The following CDC16 variants were observed in gnomAD, a reference collection of about 807,000 sequenced individuals.
The protein encoded by CDC16 is cell division cycle 16.
A neutral mutation model predicts 87.0 loss-of-function variants in CDC16; 34 were observed. The observed-to-expected ratio is 0.39, with a 90% CI of 0.30 to 0.52. The LOEUF (loss-of-function observed/expected upper bound fraction) is 0.52, where lower values mean the gene tolerates loss of function less well. Among genes scored for constraint, CDC16 ranks in the 20% least tolerant of loss-of-function variants. CDC16 has a pLI of 0.74. For missense variants in CDC16, 653 were observed against 751.9 expected, an observed-to-expected ratio of 0.87 and a Z score of 1.54; for synonymous variants, 263 against 260.6, an observed-to-expected ratio of 1.01 and a Z score of -0.09.
rs1173341272 is a variant in CDC16, at chr13:114,243,361, A to G, written c.633+13A>G. On this transcript the variant is annotated intron_variant, in intron 7 of 17. Coordinates refer to ENST00000356221, the MANE Select transcript of CDC16 (RefSeq NM_001078645.3). ...CAAATTGAAAAAAGTAAGTAAAACC[A>G]AAGAGTTAGCACTTGCTTTATGTAA... The G allele has an allele frequency of 7.8e-7, 1 of 1,287,044 alleles. No individual in the cohort carries two copies. Among genetic ancestry groups the G allele is most frequent in the Admixed American group, 1.7e-5 (1 of 59,090 alleles). The allele number at this position is 1,287,044 out of a possible 1,614,324, so 79.7% of individuals were successfully genotyped here. A position where few individuals can be genotyped will look rare whatever the true frequency, so the allele number is the denominator to read the frequency against.
At position 114,272,242 on chromosome 13, in the gene CDC16, A is replaced by G. The variant is rs1440206950; in HGVS notation, c.1662A>G (p.Thr554=). The G allele has an allele frequency of 6.2e-7, 1 of 1,609,490 alleles. No individual in the cohort carries two copies. Among genetic ancestry groups the G allele is most frequent in the Non-Finnish European group, 8.5e-7 (1 of 1,176,064 alleles). ...ACTTTGATGTGCATACAATGAAGAC[A>G]CTAAAAAACATTATTTCACCTCCGT... is the stretch of plus-strand genomic sequence containing the variant. ...CYDFDVHTMK[T]LKNIISPPWD... is the part of the protein sequence containing the mutation. The change falls in exon 18 of 18, where the codon ACA becomes ACG. Residue 554 remains threonine (T), a synonymous_variant. Transcript: ENST00000356221.
chr13:114,265,818 ATT>A (rs35581239), intron 17 of CDC16, among the ~76,000 whole-genome samples: 18 of 147,476 alleles, frequency 1.2e-4, no homozygotes, highest in East Asian at 7.9e-4. Flanking sequence ...TACTAAAGTA[ATT>A]TTTTTTTTTT....
intron 11 of CDC16, 64 bp downstream of exon 11, chr13:114,247,068 C>G (rs2081911529): frequency 2.0e-6 from 2 of 1,008,612 alleles, no homozygotes; most frequent in African/African-American, 3.2e-5. Context: ...CATAAGCTTT[C>G]AAGTAGTAAT....
chr13:114,244,064 T>C (rs1387881372), intron 8 of CDC16, 75 bp downstream of exon 8: 17 of 1,007,448 alleles, frequency 1.7e-5, no homozygotes, highest in Non-Finnish European at 2.6e-5. Flanking sequence ...ACGGACGTGC[T>C]CTCTGAATAA....
chr13:114,241,497 A>G (rs947088417), intron 5 of CDC16, among the ~76,000 whole-genome samples: 12 of 152,210 alleles, frequency 7.9e-5, no homozygotes, highest in Non-Finnish European at 1.8e-4. Flanking sequence ...TTTTATACAC[A>G]TGCACACACA....
At position 114,261,876 on chromosome 13, in the gene CDC16, C is replaced by A; in HGVS notation, c.1315-11C>A. ...TATATAACTCGTGGGCTTGATGTTGCTATGTTTTAGGTAACAGTTGACAAA... is the reference window on the plus strand; with the variant it reads ...TATATAACTCGTGGGCTTGATGTTGATATGTTTTAGGTAACAGTTGACAAA... On this transcript the variant is annotated splice_polypyrimidine_tract_variant and intron_variant, in intron 14 of 17. Transcript: ENST00000356221. The A allele has an allele frequency of 6.3e-7, 1 of 1,587,688 alleles. No individual in the cohort carries two copies. Among genetic ancestry groups the A allele is most frequent in the Non-Finnish European group, 8.6e-7 (1 of 1,165,650 alleles).
At position 114,242,221 on chromosome 13, in the gene CDC16, T is replaced by C. The variant is rs2081588646; in HGVS notation, c.482T>C (p.Val161Ala). ...TACAAAGAAGCTTTGAAGCTTGATG[T>C]CTACTGTTTTGAAGCGTTCGATCTT... is the stretch of plus-strand genomic sequence containing the variant. ...YSYKEALKLD[V>A]YCFEAFDLLT... The change falls in exon 6 of 18, where the codon GTC becomes GCC. Residue 161 changes from valine to alanine, a missense_variant. Physicochemically the swap from Val to Ala is moderately conservative, Grantham distance 64. Coordinates refer to ENST00000356221, the MANE Select transcript of CDC16 (RefSeq NM_001078645.3). The C allele has an allele frequency of 6.2e-7, 1 of 1,614,216 alleles. No individual in the cohort carries two copies. Among genetic ancestry groups the C allele is most frequent in the Non-Finnish European group, 8.5e-7 (1 of 1,180,028 alleles).
chr13:114,263,959 A>G (rs1466916777), intron 16 of CDC16, among the ~76,000 whole-genome samples: 3 of 152,304 alleles, frequency 2.0e-5, no homozygotes, highest in Non-Finnish European at 4.4e-5. Flanking sequence ...AAGGGAAGCA[A>G]TGTTTGAATT....
intron 12 of CDC16, among the ~76,000 whole-genome samples, chr13:114,255,014 A>G (rs547817599): frequency 1.1e-4 from 17 of 152,190 alleles, no homozygotes; most frequent in African/African-American, 2.7e-4. Flanking sequence ...AACTCTTTCA[A>G]CCAATCAGAA....
intron 17 of CDC16, among the ~76,000 whole-genome samples, chr13:114,268,880 A>T (rs746624563): frequency 6.6e-6 from 1 of 152,220 alleles, no homozygotes; most frequent in South Asian, 2.1e-4. Context: ...AATGGCTGAA[A>T]GTACAGGATG....
intron 4 of CDC16, 101 bp downstream of exon 4, chr13:114,239,129 T>G: frequency 6.6e-7 from 1 of 1,505,178 alleles, no homozygotes; most frequent in Non-Finnish European, 9.1e-7. Context: ...CTTAGCAGGT[T>G]AGTAAAGTAT....
At chr13:114,250,157 C>T (rs1594601482) in intron 11 of CDC16, among the ~76,000 whole-genome samples, 1 of 152,060 alleles carries the variant, frequency 6.6e-6, no homozygotes, top group East Asian at 1.9e-4. Flanking sequence ...CACTGCATTC[C>T]AGCCTCCAGC....
intron 3 of CDC16, among the ~76,000 whole-genome samples, chr13:114,237,630 T>C (rs1176021573): frequency 6.6e-6 from 1 of 152,172 alleles, no homozygotes; most frequent in Non-Finnish European, 1.5e-5. Flanking sequence ...AAATGTCTTA[T>C]ACCTAATCTG....
intron 17 of CDC16, among the ~76,000 whole-genome samples, chr13:114,267,752 C>T (rs1315778595): frequency 1.2e-4 from 18 of 145,482 alleles, no homozygotes; most frequent in Admixed American, 8.0e-4. Flanking sequence ...AAAGAGGGCT[C>T]AACACTGCCT....
chr13:114,248,335 CA>C (rs1672240168), intron 11 of CDC16, among the ~76,000 whole-genome samples: 1 of 152,126 alleles, frequency 6.6e-6, no homozygotes, highest in Non-Finnish European at 1.5e-5. Context: ...TGTGACTTAC[CA>C]ACTGAAATTC....
intron 14 of CDC16, among the ~76,000 whole-genome samples, chr13:114,259,770 GTAAA>G (rs1337789202): frequency 2.0e-5 from 3 of 152,298 alleles, no homozygotes; most frequent in South Asian, 2.1e-4. Flanking sequence ...TGACTGAAGG[GTAAA>G]TAAAGTATAG....
At position 114,242,571 on chromosome 13, in the gene CDC16, G is replaced by A. The variant is rs371597329; in HGVS notation, c.541+291G>A. ...TCATGCAGTGATTCTCAACCGTGTT[G>A]CTCTTTACATCCTTGGGAAGACAGA... is the stretch of plus-strand genomic sequence containing the variant. On this transcript the variant is annotated intron_variant, in intron 6 of 17. Transcript: ENST00000356221. The A allele has an allele frequency of 5.9e-5, 17 of 289,682 alleles. 1 individual carries two copies. The highest frequency in any genetic ancestry group is 2.6e-4 in the African/African-American group (12 of 45,300). The allele number at this position is 289,682 out of a possible 1,614,324, so 17.9% of individuals were successfully genotyped here.
chr13:114,240,386 A>C lies in CDC16; in HGVS notation c.381+896A>C, dbSNP rs187135920. Among the ~76,000 whole-genome samples the C allele has an allele frequency of 3.3e-5, 5 of 152,054 alleles. No individual in the cohort carries two copies. The East Asian group carries it at 9.7e-4, about 29-fold the overall frequency. On this transcript the variant is annotated intron_variant, in intron 5 of 17. Coordinates refer to ENST00000356221, the MANE Select transcript of CDC16 (RefSeq NM_001078645.3). ...CACCATGCCCGGCTAATTTTTTGCT[A>C]TTTTAGTAGAGACGGGGTTTCACCA... is the stretch of plus-strand genomic sequence containing the variant.
intron 16 of CDC16, 184 bp from the exon 17 acceptor site, chr13:114,264,966 A>G: frequency 5.6e-6 from 3 of 538,384 alleles, no homozygotes; most frequent in Non-Finnish European, 1.0e-5. Flanking sequence ...AGAAAATAGA[A>G]TAGTGTGATG....
Sources: gnomAD v4.1 joint callset for allele counts (sites outside exome capture counted in the v4.1 genomes callset) on GRCh38, gnomAD v4.1.1 for gene constraint, MANE v1.5 for transcripts, NCBI Gene and HGNC (gene_info 2026-07-23, HGNC 2026-07-21) for gene names.